PCDHA12: variants seen among roughly 807,000 people sequenced by gnomAD.
PCDHA12 encodes protocadherin alpha 12, also known as protocadherin alpha-12.
Under a neutral mutation model 60.0 loss-of-function variants are expected in PCDHA12, and 44 were observed. The ratio of observed to expected loss-of-function variants is 0.73; its 90% CI spans 0.58 to 0.94. PCDHA12 has a LOEUF of 0.94. PCDHA12 is among the 40% of genes least tolerant of loss of function. PCDHA12 has a pLI of 0.00. For synonymous variants in PCDHA12, 569 were observed against 553.0 expected (o/e 1.03, Z -0.40); for missense variants, 1,276 against 1,239.7 (o/e 1.03, Z -0.44).
At chr5:140,977,978 G>A (rs1401757319) in intron 1 of PCDHA12, among the ~76,000 whole-genome samples, 2 of 152,048 alleles carry the variant, frequency 1.3e-5, no homozygotes, top group Non-Finnish European at 2.9e-5. Flanking sequence ...CCATGAAAAC[G>A]CATCTAGAGG....
chr5:141,011,822 A>G lies in PCDHA12; in HGVS notation c.*1885A>G, dbSNP rs181852141. 7 of 153,844 alleles carry G rather than the reference A, an allele frequency of 4.6e-5. No homozygotes were observed. The highest frequency in any genetic ancestry group is 1.4e-4 in the African/African-American group (6 of 41,546). The allele number at this position is 153,844 out of a possible 1,614,324, so 9.5% of individuals were successfully genotyped here. A position where few individuals can be genotyped will look rare whatever the true frequency, so the allele number is the denominator to read the frequency against. On this transcript the variant is annotated 3_prime_UTR_variant, in exon 4 of 4. Transcript: ENST00000398631. ...ATATCAGCTCATAGAAAGTAACAAA[A>G]TTTGCTGTCACCTTAAATAAGACAT...
intron 3 of PCDHA12, among the ~76,000 whole-genome samples, chr5:140,983,513 CTG>C (rs1165213074): frequency 6.6e-6 from 1 of 152,196 alleles, no homozygotes; most frequent in Non-Finnish European, 1.5e-5. Context: ...TGCCTAGACA[CTG>C]TGCCAAGTAC....
At chr5:140,892,158 T>C (rs1442080527) in intron 1 of PCDHA12, among the ~76,000 whole-genome samples, 1 of 152,242 alleles carries the variant, frequency 6.6e-6, no homozygotes, top group Non-Finnish European at 1.5e-5. Context: ...ATTTCTGATA[T>C]GTCCAGTAAC....
chr5:140,901,599 A>C (rs1196199794), intron 1 of PCDHA12, among the ~76,000 whole-genome samples: 1 of 152,132 alleles, frequency 6.6e-6, no homozygotes, highest in Non-Finnish European at 1.5e-5. Flanking sequence ...TTTGGTTACT[A>C]TATCTCTATG....
At chr5:141,009,095 A>G (rs1304233331) in intron 3 of PCDHA12, among the ~76,000 whole-genome samples, 3 of 152,214 alleles carry the variant, frequency 2.0e-5, no homozygotes, top group Admixed American at 6.5e-5. Context: ...AGAACCAAAC[A>G]TATGTTACTA....
chr5:140,893,656 TA>T (rs1241356048), intron 1 of PCDHA12, among the ~76,000 whole-genome samples: 28 of 152,340 alleles, frequency 1.8e-4, no homozygotes, highest in Admixed American at 1.6e-3. Flanking sequence ...CTGATAGTTT[TA>T]AAAAATTTCA....
chr5:141,003,457 G>A (rs769049189), intron 3 of PCDHA12, among the ~76,000 whole-genome samples: 1 of 152,136 alleles, frequency 6.6e-6, no homozygotes, highest in Non-Finnish European at 1.5e-5. Flanking sequence ...AATTACAGGC[G>A]TGCACCACCA....
chr5:140,917,329 G>T lies in PCDHA12; in HGVS notation c.2367+39490G>T, dbSNP rs543216216. Among the ~76,000 whole-genome samples the T allele has an allele frequency of 4.9e-5, 7 of 143,930 alleles. 1 individual carries two copies. The highest frequency in any genetic ancestry group is 1.6e-4 in the African/African-American group (6 of 37,952). The allele number at this position is 143,930 out of a possible 152,430, so 94.4% of individuals were successfully genotyped here. A position where few individuals can be genotyped will look rare whatever the true frequency, so the allele number is the denominator to read the frequency against. ...ACAATTTGGTGTTCATGTGGCGGGG[G>T]AGGGGGGGGATGGTGTAGGCTTCTG... On this transcript the variant is annotated intron_variant, in intron 1 of 3. Coordinates refer to ENST00000398631, the MANE Select transcript of PCDHA12 (RefSeq NM_018903.4).
chr5:140,911,693 CAAAT>C, intron 1 of PCDHA12, among the ~76,000 whole-genome samples: 1 of 152,156 alleles, frequency 6.6e-6, no homozygotes, highest in East Asian at 1.9e-4. Flanking sequence ...TCAGGAGTGT[CAAAT>C]GAATTTATTT....
At chr5:140,927,419 G>A (rs781883331) in intron 1 of PCDHA12, 1 of 1,614,140 alleles carries the variant, frequency 6.2e-7, no homozygotes, top group South Asian at 1.1e-5. Flanking sequence ...ATGGGATCGC[G>A]GGTTGACGGC....
At chr5:140,927,471 C>A (rs1371582285) in intron 1 of PCDHA12, 2 of 1,613,968 alleles carry the variant, frequency 1.2e-6, no homozygotes, top group African/African-American at 1.3e-5. Flanking sequence ...CACTGGATCG[C>A]GAACAGCGCG....
At chr5:140,944,304 C>T (rs1383475197) in intron 1 of PCDHA12, among the ~76,000 whole-genome samples, 1 of 152,162 alleles carries the variant, frequency 6.6e-6, no homozygotes, top group Non-Finnish European at 1.5e-5. Context: ...CCTCCTACCT[C>T]AGCCTCCTGA....
intron 3 of PCDHA12, among the ~76,000 whole-genome samples, chr5:141,000,365 C>G (rs1413548696): frequency 7.8e-5 from 1 of 12,832 alleles, no homozygotes; most frequent in Non-Finnish European, 1.3e-4. Flanking sequence ...CTCTCTGTCT[C>G]TCTCTCTCTC....
chr5:140,879,123 G>C (rs895703047), intron 1 of PCDHA12, among the ~76,000 whole-genome samples: 18 of 152,310 alleles, frequency 1.2e-4, no homozygotes, highest in South Asian at 4.1e-4. Context: ...AAGGATTAGA[G>C]CAGGGGAGAT....
chr5:140,886,492 C>A (rs2060999452), intron 1 of PCDHA12, among the ~76,000 whole-genome samples: 1 of 152,036 alleles, frequency 6.6e-6, no homozygotes, highest in Non-Finnish European at 1.5e-5. Flanking sequence ...TAAAATATAT[C>A]TTTTTCCTTT....
chr5:140,963,829 A>G (rs1460358277), intron 1 of PCDHA12, among the ~76,000 whole-genome samples: 1 of 152,180 alleles, frequency 6.6e-6, no homozygotes, highest in African/African-American at 2.4e-5. Context: ...CTTTACATAC[A>G]TTTTCTCATG....
intron 1 of PCDHA12, among the ~76,000 whole-genome samples, chr5:140,895,520 A>G (rs1053295495): frequency 6.6e-6 from 1 of 152,116 alleles, no homozygotes; most frequent in South Asian, 2.1e-4. Context: ...TAATTGGTTT[A>G]TTCGTTTTTC....
intron 1 of PCDHA12, among the ~76,000 whole-genome samples, chr5:140,892,007 T>C (rs1285446962): frequency 1.3e-5 from 2 of 152,244 alleles, no homozygotes; most frequent in South Asian, 2.1e-4. Context: ...CATTCTGTTA[T>C]AGCAGCACAA....
In PCDHA12 at chr5:140,903,479, T is replaced by C. The variant is rs73266018; in HGVS notation, c.2367+25640T>C. On this transcript the variant is annotated intron_variant, in intron 1 of 3. Transcript: ENST00000398631. The stretch of plus-strand genomic sequence containing the variant: ...ACTTAAAATATTATTCCTTGCATTA[T>C]AGTTCTGAGCAGGTACCATAGATAA... Among the ~76,000 whole-genome samples, 476 of 152,354 alleles carry C rather than the reference T, an allele frequency of 3.1e-3. 2 individuals are homozygous for C. The highest frequency in any genetic ancestry group is 0.011 in the African/African-American group (456 of 41,586).
Sources: gnomAD v4.1 joint callset for allele counts (sites outside exome capture counted in the v4.1 genomes callset) on GRCh38, gnomAD v4.1.1 for gene constraint, MANE v1.5 for transcripts, NCBI Gene and HGNC (gene_info 2026-07-23, HGNC 2026-07-21) for gene names.